IKZF3: variants seen among roughly 807,000 people sequenced by gnomAD.
The protein encoded by IKZF3 is IKAROS family zinc finger 3.
In IKZF3, 10 loss-of-function variants were observed where a neutral mutation model predicts 49.0. The ratio of observed to expected loss-of-function variants is 0.20; its 90% CI spans 0.13 to 0.35. IKZF3 has a LOEUF of 0.35. IKZF3 is among the 10% of genes least tolerant of loss of function. IKZF3 has a pLI of 1.00. For missense variants in IKZF3, 498 were observed against 664.8 expected (o/e 0.75, Z 2.76); for synonymous variants, 209 against 228.2 (o/e 0.92, Z 0.76).
intron 3 of IKZF3, among the ~76,000 whole-genome samples, chr17:39,826,805 G>A (rs945966285): frequency 6.6e-6 from 1 of 152,154 alleles, no homozygotes; most frequent in Non-Finnish European, 1.5e-5. Context: ...AAGATGGGCT[G>A]AATTTGGACA....
chr17:39,796,714 A>T (rs1180200086), intron 3 of IKZF3, among the ~76,000 whole-genome samples: 1 of 147,444 alleles, frequency 6.8e-6, no homozygotes, highest in East Asian at 2.0e-4. Context: ...CTATTTTTTT[A>T]ATTTTTTTTT....
chr17:39,805,873 C>A (rs2061421821), intron 3 of IKZF3, among the ~76,000 whole-genome samples: 1 of 152,210 alleles, frequency 6.6e-6, no homozygotes, highest in African/African-American at 2.4e-5. Flanking sequence ...AAACTGCAAT[C>A]TATGTCCTTT....
At chr17:39,786,535 G>C (rs1002574042) in intron 6 of IKZF3, among the ~76,000 whole-genome samples, 2 of 152,196 alleles carry the variant, frequency 1.3e-5, no homozygotes, top group South Asian at 4.1e-4. Flanking sequence ...TGCCACTTAA[G>C]ATGTCAAAAT....
chr17:39,817,051 T>C (rs879413427), intron 3 of IKZF3, among the ~76,000 whole-genome samples: 7 of 152,230 alleles, frequency 4.6e-5, no homozygotes, highest in Non-Finnish European at 1.0e-4. Context: ...CCAAGTATTT[T>C]TGTTTTGTTT....
chr17:39,831,172 G>C (rs2062097829), intron 2 of IKZF3, among the ~76,000 whole-genome samples: 1 of 152,024 alleles, frequency 6.6e-6, no homozygotes. Flanking sequence ...ACCTGAGGTT[G>C]GGAGTTCGAG....
intron 6 of IKZF3, 73 bp from the exon 7 acceptor site, chr17:39,777,840 G>A: frequency 6.4e-7 from 1 of 1,570,890 alleles, no homozygotes; most frequent in Non-Finnish European, 8.6e-7. Context: ...AAATAAACTG[G>A]AAGGAGAAGT....
chr17:39,833,438 CAACTA>C (rs1201239733), intron 1 of IKZF3, among the ~76,000 whole-genome samples: 1 of 152,154 alleles, frequency 6.6e-6, no homozygotes, highest in Non-Finnish European at 1.5e-5. Context: ...ACTCCAGAGA[CAACTA>C]CTGTTTTGAC....
At chr17:39,850,688 AT>A (rs1194055396) in intron 1 of IKZF3, among the ~76,000 whole-genome samples, 23 of 125,138 alleles carry the variant, frequency 1.8e-4, no homozygotes, top group African/African-American at 7.5e-4. Context: ...ATATACACAT[AT>A]TATATATACA....
chr17:39,817,295 A>G (rs1252083856), intron 3 of IKZF3, among the ~76,000 whole-genome samples: 1 of 152,238 alleles, frequency 6.6e-6, no homozygotes, highest in Non-Finnish European at 1.5e-5. Flanking sequence ...TTTGGTTCCT[A>G]AAATCTTTCA....
chr17:39,762,661 C>A lies in IKZF3; in HGVS notation c.*3129G>T, dbSNP rs2060206679. 1 of 152,244 alleles carries A rather than the reference C, an allele frequency of 6.6e-6. No homozygotes were observed. The highest frequency in any genetic ancestry group is 1.5e-5 in the Non-Finnish European group (1 of 68,102). The allele number at this position is 152,244 out of a possible 1,614,324, so 9.4% of individuals were successfully genotyped here. Reference sequence around the variant, plus strand: ...CAGCACTGTGGGAGGCCAAGGCGGGCAGATCACCTGAGGTCAGGAGTTTGA... The same window carrying A: ...CAGCACTGTGGGAGGCCAAGGCGGGAAGATCACCTGAGGTCAGGAGTTTGA... On this transcript the variant is annotated 3_prime_UTR_variant, in exon 8 of 8. Transcript: ENST00000346872.
intron 1 of IKZF3, among the ~76,000 whole-genome samples, chr17:39,859,493 A>C (rs2063158555): frequency 6.6e-6 from 1 of 151,590 alleles, no homozygotes; most frequent in African/African-American, 2.4e-5. Flanking sequence ...GGCTCAAGCC[A>C]TCTTCCTACC....
intron 7 of IKZF3, among the ~76,000 whole-genome samples, chr17:39,768,691 A>G (rs2060359292): frequency 6.6e-6 from 1 of 152,182 alleles, no homozygotes; most frequent in Non-Finnish European, 1.5e-5. Context: ...GGCCTGCCAC[A>G]TGGAAAACAC....
chr17:39,813,097 A>G (rs1220448799), intron 3 of IKZF3, among the ~76,000 whole-genome samples: 2 of 115,906 alleles, frequency 1.7e-5, no homozygotes, highest in Admixed American at 1.0e-4. Context: ...GCAAGACTCC[A>G]TCTCAAAAAA....
rs1479437146 is a variant in IKZF3 at position 39,787,575 on chromosome 17, G to A, written c.709+683C>T. ...CTTCATCAATCTGTTAGGAAATCTT[G>A]TTGACTCTACCTTTAAATATACAGA... On this transcript the variant is annotated intron_variant, in intron 6 of 7. Coordinates refer to ENST00000346872, the MANE Select transcript of IKZF3 (RefSeq NM_012481.5). Among the ~76,000 whole-genome samples the A allele has an allele frequency of 3.3e-5, 5 of 152,134 alleles. No homozygotes were observed. In the South Asian group the frequency reaches 1.0e-3, roughly 31 times the overall value.
chr17:39,811,697 T>C (rs1449806383), intron 3 of IKZF3, among the ~76,000 whole-genome samples: 1 of 152,212 alleles, frequency 6.6e-6, no homozygotes, highest in Admixed American at 6.5e-5. Flanking sequence ...AATGAACCAA[T>C]AATTATTTAG....
At chr17:39,772,668 T>A (rs957299366) in intron 7 of IKZF3, among the ~76,000 whole-genome samples, 1 of 152,096 alleles carries the variant, frequency 6.6e-6, no homozygotes, top group Non-Finnish European at 1.5e-5. Flanking sequence ...CCACATTTGG[T>A]TGCTGCAGAA....
intron 5 of IKZF3, 94 bp downstream of exon 5, chr17:39,791,322 G>T: frequency 1.5e-6 from 2 of 1,328,244 alleles, no homozygotes; most frequent in Admixed American, 1.8e-5. Context: ...AAGAATGACA[G>T]ATTGAAACCT....
chr17:39,782,839 C>T (rs1028552556), intron 6 of IKZF3, among the ~76,000 whole-genome samples: 4 of 152,150 alleles, frequency 2.6e-5, no homozygotes, highest in African/African-American at 9.7e-5. Context: ...ATCAATTTCC[C>T]TTCACATTGC....
intron 1 of IKZF3, among the ~76,000 whole-genome samples, chr17:39,840,124 TGA>T (rs1331942791): frequency 1.3e-5 from 2 of 152,200 alleles, no homozygotes; most frequent in Non-Finnish European, 2.9e-5. Flanking sequence ...GAAACTGGGA[TGA>T]GTTAGTCACC....
Sources: allele counts gnomAD v4.1 joint callset (sites outside exome capture counted in the v4.1 genomes callset), GRCh38; gene constraint gnomAD v4.1.1; transcripts MANE v1.5; gene names NCBI Gene and HGNC (gene_info 2026-07-23, HGNC 2026-07-21).